Variants in PAX2 observed in about 807,000 individuals in gnomAD.
The protein encoded by PAX2 is paired box 2.
Under a neutral mutation model 41.7 loss-of-function variants are expected in PAX2, and 9 were observed. The observed-to-expected ratio is 0.22, with a 90% CI of 0.13 to 0.38. The LOEUF (loss-of-function observed/expected upper bound fraction) is 0.38, where lower values mean the gene tolerates loss of function less well. Among genes scored for constraint, PAX2 ranks in the 10% least tolerant of loss-of-function variants. The pLI is 1.00. For missense variants in PAX2, 418 were observed against 531.6 expected, an observed-to-expected ratio of 0.79 and a Z score of 2.10; for synonymous variants, 221 against 212.7, an observed-to-expected ratio of 1.04 and a Z score of -0.34.
chr10:100,737,501 G>A (rs6584394), intron 1 of PAX2, among the ~76,000 whole-genome samples: 121,591 of 152,250 alleles, frequency 0.8, 48,795 homozygotes, highest in East Asian at 1. Context: ...CTTTGCGGGT[G>A]CGGGTCTCGT....
At chr10:100,808,915 G>A (rs955630904) in intron 6 of PAX2, among the ~76,000 whole-genome samples, 195 bp from the exon 7 acceptor site, 6 of 152,132 alleles carry the variant, frequency 3.9e-5, no homozygotes, top group African/African-American at 9.7e-5. Context: ...CTGTGCCTCC[G>A]GTTTCACCAA....
At chr10:100,806,235 G>C (rs1373137282) in intron 5 of PAX2, among the ~76,000 whole-genome samples, 195 bp from the exon 6 acceptor site, 2 of 152,148 alleles carry the variant, frequency 1.3e-5, no homozygotes, top group African/African-American at 2.4e-5. Context: ...TCTTCCTTGG[G>C]CTTCCTCAGC....
rs766520044 is a variant in PAX2, at chr10:100,827,005, G to A, written c.1022-4G>A. 9.9e-6 allele frequency: 16 copies of A among 1,610,524 alleles called. No individual in the cohort carries two copies. Among genetic ancestry groups the A allele is most frequent in the Non-Finnish European group, 1.4e-5 (16 of 1,176,862 alleles). ...CTGATCCCCACTCCCCGACCCTCCC[G>A]CAGGGAGCGAGTTCTCCGGCAACCC... On this transcript the variant is annotated splice_polypyrimidine_tract_variant and splice_region_variant and intron_variant, in intron 8 of 9. Transcript: ENST00000355243. The surrounding 1 kb of genome is among the most constrained non-coding windows in gnomAD (Gnocchi z 8.5).
Position 100,781,233 on chromosome 10 carries a change from T to C in PAX2, c.497-13T>C, listed in dbSNP as rs1314504666. 12 of 1,613,882 alleles carry C rather than the reference T, an allele frequency of 7.4e-6. No homozygotes were observed. The Admixed American group carries it at 1.8e-4, about 25-fold the overall frequency. On this transcript the variant is annotated splice_polypyrimidine_tract_variant and intron_variant, in intron 4 of 9. Transcript: ENST00000355243. Reference sequence around the variant, plus strand: ...TGCTATCCTGATGCCATTTCCTCCTTCCTCTCATCCAGTTCCCAGCACGGC... The same window carrying C: ...TGCTATCCTGATGCCATTTCCTCCTCCCTCTCATCCAGTTCCCAGCACGGC...
rs1035112433 is a variant in PAX2, at chr10:100,753,345, T to C, written c.410+2454T>C. ...CACCTGGGGAACCACGCTCTCATCT[T>C]CATCCCTGTAGGTGCTTTTTGCTCT... On this transcript the variant is annotated intron_variant, in intron 3 of 9. Coordinates refer to ENST00000355243, the MANE Select transcript of PAX2 (RefSeq NM_000278.5). Among the ~76,000 whole-genome samples the C allele has an allele frequency of 3.9e-5, 6 of 152,232 alleles. No homozygotes were observed. The South Asian group carries it at 1.2e-3, about 32-fold the overall frequency.
At chr10:100,809,078 TAGAG>T in intron 6 of PAX2, 28 bp from the exon 7 acceptor site, 1 of 1,607,544 alleles carries the variant, frequency 6.2e-7, no homozygotes, top group South Asian at 1.1e-5. Flanking sequence ...CGTGCATCAA[TAGAG>T]AGCTGTCACT....
upstream of PAX2, among the ~76,000 whole-genome samples, chr10:100,741,409 CA>C (rs71013465): frequency 3.3e-4 from 37 of 111,288 alleles, no homozygotes; most frequent in Admixed American, 7.2e-4. Flanking sequence ...GAAGCTCTTC[CA>C]AAAAAAAAAA....
chr10:100,777,204 C>A (rs940754837), intron 3 of PAX2, among the ~76,000 whole-genome samples: 3 of 150,350 alleles, frequency 2.0e-5, no homozygotes, highest in Non-Finnish European at 4.4e-5. Context: ...TGGGTTCAAG[C>A]GATTCTCCTG....
At chr10:100,744,603 C>G (rs1845081595), upstream of PAX2, among the ~76,000 whole-genome samples, 1 of 152,220 alleles carries the variant, frequency 6.6e-6, no homozygotes. Context: ...CGCTCAGCCG[C>G]GTCCGCAGCC....
intron 3 of PAX2, among the ~76,000 whole-genome samples, chr10:100,770,865 A>AC (rs2133876952): frequency 6.6e-6 from 1 of 152,294 alleles, no homozygotes; most frequent in South Asian, 2.1e-4. Flanking sequence ...ATAGATGGAG[A>AC]GAAATGTGGA....
upstream of PAX2, among the ~76,000 whole-genome samples, chr10:100,745,405 G>C (rs1845115190): frequency 6.6e-6 from 1 of 151,036 alleles, no homozygotes; most frequent in South Asian, 2.1e-4. Context: ...GCACCGGAGT[G>C]ACAGGCTCGG....
At chr10:100,817,335 A>G (rs1848223577) in intron 7 of PAX2, among the ~76,000 whole-genome samples, 1 of 152,232 alleles carries the variant, frequency 6.6e-6, no homozygotes. Context: ...GTTCCTTCTC[A>G]GCCCTTTGAA....
chr10:100,781,455 C>A, intron 5 of PAX2, 90 bp downstream of exon 5: 1 of 1,353,948 alleles, frequency 7.4e-7, no homozygotes, highest in Non-Finnish European at 1.1e-6. Context: ...CGCAGCTGCT[C>A]TGCTGTGAGA....
At chr10:100,820,871 T>C (rs190343145) in intron 7 of PAX2, among the ~76,000 whole-genome samples, 2 of 152,386 alleles carry the variant, frequency 1.3e-5, no homozygotes, top group African/African-American at 2.4e-5. Context: ...ACAAAAATCC[T>C]CTACTGCTTT....
At chr10:100,789,789 G>C (rs937493343) in intron 5 of PAX2, among the ~76,000 whole-genome samples, 4 of 152,196 alleles carry the variant, frequency 2.6e-5, no homozygotes, top group Admixed American at 1.3e-4. Context: ...CATACCTGAG[G>C]GGGGAGGTTT....
intron 4 of PAX2, among the ~76,000 whole-genome samples, chr10:100,780,836 T>C (rs1846592623): frequency 6.6e-6 from 1 of 152,124 alleles, no homozygotes; most frequent in East Asian, 1.9e-4. Flanking sequence ...GCCCCAGGGA[T>C]TGGATGAGCT....
rs546972387 is a variant in PAX2 at position 100,780,514 on chromosome 10, T to C, written c.497-732T>C. On this transcript the variant is annotated intron_variant, in intron 4 of 9. Coordinates refer to ENST00000355243, the MANE Select transcript of PAX2 (RefSeq NM_000278.5). Reference sequence around the variant, plus strand: ...GGAGTTGGCAGGAGCTGTTGTTTACTAGGCCAGTGTTACAGTGTGTGCTGG... The same window carrying C: ...GGAGTTGGCAGGAGCTGTTGTTTACCAGGCCAGTGTTACAGTGTGTGCTGG... Among the ~76,000 whole-genome samples the C allele has an allele frequency of 1.9e-4, 29 of 152,286 alleles. No individual in the cohort carries two copies. In the South Asian group the frequency reaches 5.4e-3, roughly 28 times the overall value.
At chr10:100,737,040 A>G in intron 1 of PAX2, among the ~76,000 whole-genome samples, 1 of 151,798 alleles carries the variant, frequency 6.6e-6, no homozygotes, top group East Asian at 1.9e-4. Flanking sequence ...CTCTCTCCCA[A>G]ACTCTTTCTG....
intron 7 of PAX2, among the ~76,000 whole-genome samples, chr10:100,809,756 C>T (rs1847928937): frequency 6.6e-6 from 1 of 152,200 alleles, no homozygotes; most frequent in Non-Finnish European, 1.5e-5. Flanking sequence ...TACAATTATT[C>T]CAGCCTTCCT....
Sources: allele counts gnomAD v4.1 joint callset (sites outside exome capture counted in the v4.1 genomes callset), GRCh38; gene constraint gnomAD v4.1.1; non-coding constraint Gnocchi (gnomAD v3.1); transcripts MANE v1.5; gene names NCBI Gene and HGNC (gene_info 2026-07-23, HGNC 2026-07-21).